Variants in NAA15 observed in about 807,000 individuals in gnomAD.
NAA15 encodes N-alpha-acetyltransferase 15, NatA auxiliary subunit.
A neutral mutation model predicts 114.0 loss-of-function variants in NAA15; 34 were observed. The observed-to-expected ratio is 0.30, with a 90% CI of 0.23 to 0.40. NAA15 has a LOEUF of 0.40. Among genes scored for constraint, NAA15 ranks in the 10% least tolerant of loss-of-function variants. The probability of loss-of-function intolerance (pLI) is 1.00; values close to 1 mark genes in which losing one functional copy is unlikely to be tolerated. For synonymous variants in NAA15, 340 were observed against 338.0 expected (o/e 1.01, Z -0.06); for missense variants, 658 against 1,004.5 (o/e 0.66, Z 4.66).
chr4:139,337,007 G>A (rs1747221415), intron 3 of NAA15, 55 bp downstream of exon 3: 2 of 1,157,806 alleles, frequency 1.7e-6, no homozygotes, highest in Admixed American at 2.4e-5. Flanking sequence ...AGCTAAGGCA[G>A]CAATTTGAGA....
chr4:139,354,512 T>C (rs1037723794), intron 10 of NAA15, among the ~76,000 whole-genome samples: 1 of 152,042 alleles, frequency 6.6e-6, no homozygotes. Flanking sequence ...TTGCCCAGGC[T>C]GGTCTCAAAC....
intron 15 of NAA15, among the ~76,000 whole-genome samples, chr4:139,371,497 GCACACA>G (rs35581039): frequency 0.03 from 3,414 of 113,650 alleles, 145 homozygotes; most frequent in East Asian, 0.11. Flanking sequence ...AAGAAAAGTA[GCACACA>G]CACACACACA....
intron 1 of NAA15, among the ~76,000 whole-genome samples, chr4:139,315,077 T>TAGGTTAGG (rs1560953122): frequency 3.4e-5 from 5 of 147,344 alleles, no homozygotes; most frequent in Admixed American, 1.4e-4. Context: ...TTAGTTTAGT[T>TAGGTTAGG]TTTGAGACGG....
At chr4:139,374,645 T>C (rs1309224861) in intron 15 of NAA15, among the ~76,000 whole-genome samples, 1 of 152,248 alleles carries the variant, frequency 6.6e-6, no homozygotes, top group Non-Finnish European at 1.5e-5. Context: ...TCTGATTACA[T>C]GATTCCATGT....
chr4:139,316,856 C>T (rs1364824638), intron 1 of NAA15, among the ~76,000 whole-genome samples: 2 of 151,378 alleles, frequency 1.3e-5, no homozygotes, highest in African/African-American at 2.4e-5. Flanking sequence ...CACCCCCCGC[C>T]ATAGTTCTGT....
intron 9 of NAA15, among the ~76,000 whole-genome samples, chr4:139,352,830 G>A (rs1282435465): frequency 6.6e-6 from 1 of 151,748 alleles, no homozygotes; most frequent in South Asian, 2.1e-4. Flanking sequence ...ACCATACCAG[G>A]CTAATTTTTG....
intron 14 of NAA15, among the ~76,000 whole-genome samples, chr4:139,368,359 T>C (rs1296986235): frequency 2.0e-5 from 3 of 152,196 alleles, no homozygotes; most frequent in Admixed American, 6.5e-5. Flanking sequence ...GGTGGTTGCT[T>C]GAGTCTAGGA....
In NAA15 at chr4:139,359,714, T is replaced by C. The variant is rs753363876; in HGVS notation, c.1258-29T>C. 9 of 1,575,494 alleles carry C rather than the reference T, an allele frequency of 5.7e-6. No individual in the cohort carries two copies. The South Asian group carries it at 1.1e-4, about 19-fold the overall frequency. The stretch of plus-strand genomic sequence containing the variant: ...TGCACAGTAAACTTAGCATGCTAAC[T>C]GGTTTATTTTGCTTTTGTACCTTAT... On this transcript the variant is annotated intron_variant, in intron 11 of 19. Coordinates refer to ENST00000296543, the MANE Select transcript of NAA15 (RefSeq NM_057175.5).
intron 10 of NAA15, among the ~76,000 whole-genome samples, chr4:139,355,220 C>A (rs184169151): frequency 2.1e-4 from 32 of 152,154 alleles, no homozygotes. Context: ...AGTCCATGTT[C>A]ACATTTCCAG....
chr4:139,360,169 A>G (rs1748088619), intron 12 of NAA15, among the ~76,000 whole-genome samples: 1 of 152,136 alleles, frequency 6.6e-6, no homozygotes, highest in African/African-American at 2.4e-5. Flanking sequence ...AATTTATTGA[A>G]TACCTGCTAT....
At chr4:139,359,380 G>A (rs1037428847) in intron 11 of NAA15, among the ~76,000 whole-genome samples, 2 of 152,068 alleles carry the variant, frequency 1.3e-5, no homozygotes, top group Non-Finnish European at 2.9e-5. Flanking sequence ...ACCCGGCTCG[G>A]CCTCCCAAAG....
At chr4:139,305,023 A>G (rs899092564) in intron 1 of NAA15, among the ~76,000 whole-genome samples, 1 of 152,194 alleles carries the variant, frequency 6.6e-6, no homozygotes, top group Non-Finnish European at 1.5e-5. Context: ...GGACTCAAGC[A>G]GTCCTCCCGC....
rs532982412 is a variant in NAA15, at chr4:139,313,788, C to T, written c.54+11957C>T. ...CTGACCTCAGGTGATCTGCCCGCCT[C>T]GGCCTACCAAAGTGCTGGCATTACA... On this transcript the variant is annotated intron_variant, in intron 1 of 19. Transcript: ENST00000296543. Among the ~76,000 whole-genome samples, 13 of 151,932 alleles carry T rather than the reference C, an allele frequency of 8.6e-5. No homozygotes were observed. The South Asian group carries it at 2.1e-3, about 24-fold the overall frequency.
rs374576046 is a variant in NAA15 at position 139,385,847 on chromosome 4, G to A, written c.2303-286G>A. ...ATACAAGTATTATTAGAATGCTTGT[G>A]TTTCTTCATAGTCTCCTTTACTGTG... On this transcript the variant is annotated intron_variant, in intron 18 of 19. Transcript: ENST00000296543. Among the ~76,000 whole-genome samples the A allele has an allele frequency of 6.6e-4, 101 of 152,232 alleles. No homozygotes were observed. The South Asian group carries it at 0.02, about 31-fold the overall frequency.
chr4:139,304,624 G>A (rs1312722076), intron 1 of NAA15, among the ~76,000 whole-genome samples: 1 of 152,156 alleles, frequency 6.6e-6, no homozygotes, highest in African/African-American at 2.4e-5. Context: ...TAGTTATACT[G>A]TATTTTAAAA....
chr4:139,335,669 A>G lies in NAA15; in HGVS notation c.140-1179A>G, dbSNP rs370027923. 5.3e-5 allele frequency among the ~76,000 whole-genome samples: 8 copies of G among 151,658 alleles called. No homozygotes were observed. The East Asian group carries it at 1.4e-3, about 26-fold the overall frequency. On this transcript the variant is annotated intron_variant, in intron 2 of 19. Coordinates refer to ENST00000296543, the MANE Select transcript of NAA15 (RefSeq NM_057175.5). Reference sequence around the variant, plus strand: ...TGAGCCACTGCGCCCAGCCTATTTCACTGTTTCTAAAATGTGATTCTCCAA... The same window carrying G: ...TGAGCCACTGCGCCCAGCCTATTTCGCTGTTTCTAAAATGTGATTCTCCAA...
rs187938756 is a variant in NAA15, at chr4:139,359,297, T to C, written c.1258-446T>C. ...GCATGCGCCACCACCCTTGGTTTACTTTGTATTTTTAGTAGAGATGGGGTT... is the reference window on the plus strand; with the variant it reads ...GCATGCGCCACCACCCTTGGTTTACCTTGTATTTTTAGTAGAGATGGGGTT... On this transcript the variant is annotated intron_variant, in intron 11 of 19. Transcript: ENST00000296543. Among the ~76,000 whole-genome samples the C allele has an allele frequency of 8.5e-3, 1,285 of 152,010 alleles. 21 individuals are homozygous for C. The highest frequency in any genetic ancestry group is 0.03 in the African/African-American group (1,233 of 41,480).
intron 9 of NAA15, 33 bp from the exon 10 acceptor site, chr4:139,353,993 C>G (rs1747862266): frequency 6.4e-7 from 1 of 1,553,920 alleles, no homozygotes; most frequent in South Asian, 1.2e-5. Context: ...TGTGTTTTTT[C>G]TATTAAAGTG....
chr4:139,384,079 G>A (rs1748826195), intron 17 of NAA15, among the ~76,000 whole-genome samples: 2 of 152,146 alleles, frequency 1.3e-5, no homozygotes, highest in Admixed American at 1.3e-4. Context: ...TACTTGTTTT[G>A]TCATCTCCTT....
Sources: gnomAD v4.1 joint callset for allele counts (sites outside exome capture counted in the v4.1 genomes callset) on GRCh38, gnomAD v4.1.1 for gene constraint, MANE v1.5 for transcripts, NCBI Gene and HGNC (gene_info 2026-07-23, HGNC 2026-07-21) for gene names.